Variants in BAZ2B observed in about 807,000 individuals in gnomAD.
BAZ2B encodes the protein bromodomain adjacent to zinc finger domain 2B.
BAZ2B carries 91 observed loss-of-function variants against 246.0 expected under a neutral mutation model. The ratio of observed to expected loss-of-function variants is 0.37; its 90% confidence interval spans 0.31 to 0.44. The LOEUF (loss-of-function observed/expected upper bound fraction) is 0.44. Ranked by LOEUF, BAZ2B falls within the 20% of genes least tolerant of loss-of-function variation. BAZ2B has a pLI of 1.00. For synonymous variants in BAZ2B, 855 were observed against 860.0 expected, an observed-to-expected ratio of 0.99 and a Z score of 0.10; for missense variants, 2,332 against 2,533.7, an observed-to-expected ratio of 0.92 and a Z score of 1.71.
intron 2 of BAZ2B, among the ~76,000 whole-genome samples, chr2:159,499,996 T>C (rs2081546554): frequency 6.6e-6 from 1 of 152,202 alleles, no homozygotes; most frequent in Non-Finnish European, 1.5e-5. Flanking sequence ...TAGTTTCTTT[T>C]ACTGTGCAGA....
chr2:159,526,630 C>A (rs1397800573), intron 2 of BAZ2B, among the ~76,000 whole-genome samples: 1 of 152,078 alleles, frequency 6.6e-6, no homozygotes, highest in Non-Finnish European at 1.5e-5. Flanking sequence ...TTCTGTTTAT[C>A]ACTTTATTTC....
chr2:159,366,595 A>G (rs1384393666), intron 27 of BAZ2B, among the ~76,000 whole-genome samples: 3 of 152,234 alleles, frequency 2.0e-5, no homozygotes, highest in Non-Finnish European at 4.4e-5. Context: ...TACGAAGCTG[A>G]GGATATGACC....
At chr2:159,453,916 A>C (rs1420230467) in intron 3 of BAZ2B, 115 bp from the exon 4 acceptor site, 1 of 932,854 alleles carries the variant, frequency 1.1e-6, no homozygotes, top group South Asian at 3.8e-5. Flanking sequence ...TTTTTATTTT[A>C]CCCTTTTCCT....
At chr2:159,590,726 C>T (rs1488990692) in intron 1 of BAZ2B, among the ~76,000 whole-genome samples, 1 of 152,048 alleles carries the variant, frequency 6.6e-6, no homozygotes, top group Non-Finnish European at 1.5e-5. Flanking sequence ...GTGTGCTAGT[C>T]CCTAATTGCA....
intron 31 of BAZ2B, 74 bp downstream of exon 31, chr2:159,347,412 T>C (rs1246409370): frequency 1.4e-6 from 2 of 1,434,728 alleles, no homozygotes; most frequent in African/African-American, 1.4e-5. Flanking sequence ...TTAACTAGCA[T>C]ATATTAGGCA....
chr2:159,395,886 G>T, intron 19 of BAZ2B, 52 bp from the exon 20 acceptor site: 1 of 1,489,642 alleles, frequency 6.7e-7, no homozygotes, highest in Non-Finnish European at 9.1e-7. Flanking sequence ...TTAACAGTTT[G>T]ATTTTCCAAT....
the BAZ2B span, among the ~76,000 whole-genome samples, chr2:159,626,541 A>G: frequency 6.6e-6 from 1 of 152,220 alleles, no homozygotes; most frequent in Non-Finnish European, 1.5e-5. Flanking sequence ...GCACAACTAC[A>G]TGGAAACTGA....
At chr2:159,700,081 CT>C in the BAZ2B span, among the ~76,000 whole-genome samples, 11 of 152,218 alleles carry the variant, frequency 7.2e-5, no homozygotes, top group African/African-American at 2.2e-4. Context: ...AGTGCTCCAG[CT>C]CTTAACTATC....
intron 2 of BAZ2B, among the ~76,000 whole-genome samples, chr2:159,508,467 T>C (rs1277141807): frequency 1.3e-5 from 2 of 152,218 alleles, no homozygotes; most frequent in Non-Finnish European, 2.9e-5. Flanking sequence ...ATTTTGCTTT[T>C]AACCAAGTGG....
chr2:159,393,494 T>G (rs2063591979), intron 20 of BAZ2B, among the ~76,000 whole-genome samples: 1 of 152,234 alleles, frequency 6.6e-6, no homozygotes, highest in African/African-American at 2.4e-5. Flanking sequence ...TGTCCAGCCC[T>G]ATTAATAACT....
rs70994291 is a variant in BAZ2B at position 159,323,801 on chromosome 2, C to CAAA, written c.6353+1007_6353+1009dup. Reference sequence around the variant, plus strand: ...TTGGGCAACAAAAGTGAAACTCTCTCAAAAAAAAAAAAAAAGAACAAACAA... The same window carrying CAAA: ...TTGGGCAACAAAAGTGAAACTCTCTCAAAAAAAAAAAAAAAAAAGAACAAACAA... On this transcript the variant is annotated intron_variant, in intron 36 of 36. Coordinates refer to ENST00000392783, the MANE Select transcript of BAZ2B (RefSeq NM_013450.4). 4.2e-4 allele frequency among the ~76,000 whole-genome samples: 54 copies of CAAA among 127,496 alleles called. 1 individual carries two copies. Among genetic ancestry groups the CAAA allele is most frequent in the African/African-American group, 1.4e-3 (46 of 32,418 alleles). The allele number at this position is 127,496 out of a possible 152,430, so 83.6% of individuals were successfully genotyped here. A position where few individuals can be genotyped will look rare whatever the true frequency, so the allele number is the denominator to read the frequency against.
chr2:159,596,038 CTTTCT>C (rs1184506540), intron 1 of BAZ2B, among the ~76,000 whole-genome samples: 1 of 152,196 alleles, frequency 6.6e-6, no homozygotes, highest in Non-Finnish European at 1.5e-5. Flanking sequence ...TGGCTGAAGT[CTTTCT>C]TTTAACAGAC....
intron 3 of BAZ2B, among the ~76,000 whole-genome samples, chr2:159,468,871 C>T (rs146153208): frequency 2.4e-3 from 361 of 151,810 alleles, no homozygotes; most frequent in Non-Finnish European, 3.0e-3. Flanking sequence ...AGTGAAACCC[C>T]GTCTCTACTA....
At chr2:159,709,701 C>T in the BAZ2B span, among the ~76,000 whole-genome samples, 1 of 152,084 alleles carries the variant, frequency 6.6e-6, no homozygotes. Flanking sequence ...CAAAGAGAAG[C>T]TTTTTAGAAG....
At chr2:159,372,200 G>A (rs13429025) in intron 27 of BAZ2B, among the ~76,000 whole-genome samples, 8 of 152,262 alleles carry the variant, frequency 5.3e-5, no homozygotes, top group African/African-American at 1.4e-4. Context: ...ACAGTGCCTA[G>A]AAATGTCTAG....
At position 159,612,060 on chromosome 2, in the gene BAZ2B, AG is replaced by A. The variant is rs1694826048; in HGVS notation, c.-46+4181del. On this transcript the variant is annotated intron_variant, in intron 1 of 36. Transcript: ENST00000392783. ...TATGATAGCTGAAACTATCAATAAA[AG>A]TTATAACAATAAAAATATAATTTCA... 2.0e-5 allele frequency among the ~76,000 whole-genome samples: 3 copies of A among 152,032 alleles called. No homozygotes were observed. In the South Asian group the frequency reaches 6.2e-4, roughly 31 times the overall value.
At position 159,386,407 on chromosome 2, in the gene BAZ2B, A is replaced by G. The variant is rs1239055220; in HGVS notation, c.3417T>C (p.Leu1139=). The change falls in exon 22 of 37, where the codon CTT becomes CTC. Residue 1139 remains leucine (L), a synonymous_variant. Coordinates refer to ENST00000392783, the MANE Select transcript of BAZ2B (RefSeq NM_013450.4). ...GDSMGEVQDL[L]VRLLSAAVCD... ...ATACAGCAGCTGAGAGGAGCCTCAC[A>G]AGCAAGTCTTGTACTTCACCCATGC... 8 of 1,613,338 alleles carry G rather than the reference A, an allele frequency of 5.0e-6. No individual in the cohort carries two copies. The highest frequency in any genetic ancestry group is 1.3e-5 in the African/African-American group (1 of 74,888).
rs144729291 is a variant in BAZ2B at position 159,349,972 on chromosome 2, T to C, written c.4599A>G (p.Ser1533=). 6.8e-5 allele frequency: 110 copies of C among 1,614,220 alleles called. No homozygotes were observed. In the East Asian group the frequency reaches 2.0e-3, roughly 29 times the overall value. ...GACTGTAGAACTTCCCTGGACCACT[T>C]GAACCAGTATTAAACAGATTATTAG... ...ADSNNLFNTG[S]SGPGKFYSPL... Residue 1533 remains serine, a synonymous_variant, in exon 28 of 37, where the codon TCA becomes TCG. Coordinates refer to ENST00000392783, the MANE Select transcript of BAZ2B (RefSeq NM_013450.4).
At chr2:159,595,227 T>C (rs1382783384) in intron 1 of BAZ2B, among the ~76,000 whole-genome samples, 1 of 152,046 alleles carries the variant, frequency 6.6e-6, no homozygotes, top group Admixed American at 6.6e-5. Context: ...CTCATCCTCC[T>C]GAGTAGCTGG....
Sources: allele counts gnomAD v4.1 joint callset (sites outside exome capture counted in the v4.1 genomes callset), GRCh38; gene constraint gnomAD v4.1.1; transcripts MANE v1.5; gene names NCBI Gene and HGNC (gene_info 2026-07-23, HGNC 2026-07-21).